The following CD99 variants were observed in gnomAD, a reference collection of about 807,000 sequenced individuals.
CD99 encodes the protein CD99 antigen.
In CD99, 19 loss-of-function variants were observed where a neutral mutation model predicts 28.4. The ratio of observed to expected loss-of-function variants is 0.67; its 90% CI spans 0.47 to 0.98. The LOEUF is 0.98. Among genes scored for constraint, CD99 ranks in the 50% least tolerant of loss-of-function variants. CD99 has a pLI of 0.00. For missense variants in CD99, 283 were observed against 248.8 expected (o/e 1.14, Z -0.92); for synonymous variants, 103 against 92.1 (o/e 1.12, Z -0.67).
chrX:2,716,402 T>C (rs2048721174), intron 2 of CD99, among the ~76,000 whole-genome samples: 1 of 152,086 alleles, frequency 6.6e-6, no homozygotes, highest in Admixed American at 6.5e-5. Context: ...AGTGTTGGGA[T>C]CTTGGCTCAC....
intron 8 of CD99, among the ~76,000 whole-genome samples, chrX:2,731,983 A>AT (rs2049634115): frequency 6.6e-6 from 1 of 151,680 alleles, no homozygotes; most frequent in Non-Finnish European, 1.5e-5. Context: ...AAAAAAAAAA[A>AT]TTAGCTGAGT....
At chrX:2,720,727 TG>T (rs1462642136) in intron 5 of CD99, among the ~76,000 whole-genome samples, 1 of 146,938 alleles carries the variant, frequency 6.8e-6, no homozygotes, top group Non-Finnish European at 1.5e-5. Context: ...TGGGTTCAAG[TG>T]ATTCTCCTGC....
chrX:2,701,498 CAG>C (rs2047861354), intron 1 of CD99, among the ~76,000 whole-genome samples: 1 of 152,226 alleles, frequency 6.6e-6, no homozygotes, highest in Non-Finnish European at 1.5e-5. Flanking sequence ...TTCAGGGGGT[CAG>C]AGAGAGTTCT....
Position 2,722,560 on chromosome X carries a change from A to G in CD99, c.263-67A>G, listed in dbSNP as rs186020398. On this transcript the variant is annotated intron_variant, in intron 5 of 9. Coordinates refer to ENST00000381192, the MANE Select transcript of CD99 (RefSeq NM_002414.5). ...GCCGGTTTTCATGAGTTTTTCCTTT[A>G]TTCTAAGACATGAAGACCCTTGGAG... 2.1e-6 allele frequency: 3 copies of G among 1,423,714 alleles called. No individual in the cohort carries two copies. The African/African-American group carries it at 4.2e-5, about 20-fold the overall frequency. 88.2% of individuals were successfully genotyped at this position (1,423,714 alleles called of 1,614,324 possible). A position where few individuals can be genotyped will look rare whatever the true frequency, so the allele number is the denominator to read the frequency against.
intron 1 of CD99, among the ~76,000 whole-genome samples, chrX:2,702,319 C>CTA (rs2047898386): frequency 6.6e-6 from 1 of 152,050 alleles, no homozygotes; most frequent in African/African-American, 2.4e-5. Context: ...CTGTGACCCC[C>CTA]TACCCCTACC....
intron 1 of CD99, among the ~76,000 whole-genome samples, chrX:2,713,865 C>T (rs2048561600): frequency 6.6e-6 from 1 of 152,152 alleles, no homozygotes; most frequent in Non-Finnish European, 1.5e-5. Flanking sequence ...GATGGCCAGC[C>T]ACGTTGAAGT....
intron 2 of CD99, among the ~76,000 whole-genome samples, chrX:2,715,909 A>G (rs2048684894): frequency 6.6e-6 from 1 of 151,956 alleles, no homozygotes; most frequent in South Asian, 2.1e-4. Flanking sequence ...CCTCATCTTA[A>G]CTGATTACAA....
intron 5 of CD99, among the ~76,000 whole-genome samples, chrX:2,720,774 A>G (rs1008823986): frequency 9.2e-5 from 14 of 151,668 alleles, no homozygotes; most frequent in Non-Finnish European, 1.5e-4. Flanking sequence ...ACAGGCACAC[A>G]CTGCCATGCC....
chrX:2,735,978 A>G (rs1375076747), intron 8 of CD99, among the ~76,000 whole-genome samples: 1 of 151,856 alleles, frequency 6.6e-6, no homozygotes, highest in Non-Finnish European at 1.5e-5. Context: ...CGAGGTGGGC[A>G]GATCACGAAG....
chrX:2,729,933 G>A (rs1156241377), intron 8 of CD99, among the ~76,000 whole-genome samples: 1 of 152,076 alleles, frequency 6.6e-6, no homozygotes, highest in Non-Finnish European at 1.5e-5. Context: ...AAAGAGGATT[G>A]CTTGAGCCCA....
At chrX:2,717,516 A>G in intron 2 of CD99, 89 bp from the exon 3 acceptor site, 1 of 1,069,558 alleles carries the variant, frequency 9.3e-7, no homozygotes, top group South Asian at 1.3e-5. Flanking sequence ...GACTGTTTCC[A>G]AGAAAATGAA....
chrX:2,708,556 C>T (rs1462565495), intron 1 of CD99, among the ~76,000 whole-genome samples: 1 of 152,112 alleles, frequency 6.6e-6, no homozygotes, highest in South Asian at 2.1e-4. Flanking sequence ...CTTCAGGCAT[C>T]CTGGAGTGAC....
At chrX:2,729,872 T>G (rs1744131030) in intron 8 of CD99, among the ~76,000 whole-genome samples, 1 of 152,122 alleles carries the variant, frequency 6.6e-6, no homozygotes, top group Non-Finnish European at 1.5e-5. Flanking sequence ...AGCAAATATG[T>G]CCTGGCGAGG....
chrX:2,696,163 T>C (rs748162254), intron 1 of CD99, among the ~76,000 whole-genome samples: 1 of 152,336 alleles, frequency 6.6e-6, no homozygotes, highest in East Asian at 1.9e-4. Context: ...ACTTTGAGTC[T>C]TCAGGGGCAG....
At position 2,719,382 on chromosome X, in the gene CD99, T is replaced by A; in HGVS notation, c.149-279T>A. ...AACACAATTCATTTATAAATTACTT[T>A]ATTTCTCTCTCTCTCTCCCCACTGC... On this transcript the variant is annotated intron_variant, in intron 3 of 9. Transcript: ENST00000381192. 7.6e-6 allele frequency: 3 copies of A among 397,120 alleles called. No homozygotes were observed. The South Asian group carries it at 1.3e-4, about 18-fold the overall frequency. The allele number at this position is 397,120 out of a possible 1,614,324, so 24.6% of individuals were successfully genotyped here.
chrX:2,697,252 T>C (rs932172213), intron 1 of CD99, among the ~76,000 whole-genome samples: 2 of 152,224 alleles, frequency 1.3e-5, no homozygotes, highest in Non-Finnish European at 1.5e-5. Context: ...TCACTTTGCT[T>C]TCTCAACTTT....
intron 1 of CD99, among the ~76,000 whole-genome samples, chrX:2,692,508 C>T (rs980812336): frequency 6.6e-6 from 1 of 152,186 alleles, no homozygotes; most frequent in Non-Finnish European, 1.5e-5. Context: ...TGGATTTACA[C>T]CCTCTTTAAA....
intron 1 of CD99, among the ~76,000 whole-genome samples, chrX:2,706,945 C>T (rs1249969868): frequency 1.3e-5 from 2 of 151,968 alleles, no homozygotes; most frequent in Non-Finnish European, 2.9e-5. Flanking sequence ...CTCAGCCTCC[C>T]AAGTAACTGG....
Position 2,720,347 on chromosome X carries a change from CACAA to C in CD99, c.194-5_194-2del, listed in dbSNP as rs1374564346. 5.0e-6 allele frequency: 8 copies of C among 1,613,626 alleles called. No individual in the cohort carries two copies. Among genetic ancestry groups the C allele is most frequent in the Non-Finnish European group, 6.8e-6 (8 of 1,179,788 alleles). Reference sequence around the variant, plus strand: ...ACTTAAAATTGCAACTCTCATCTTTCACAAACAGACGACCCACGACCACCGAACC... The same window carrying C: ...ACTTAAAATTGCAACTCTCATCTTTCACAGACGACCCACGACCACCGAACC... On this transcript the variant is annotated splice_region_variant and splice_polypyrimidine_tract_variant and intron_variant, in intron 4 of 9. Coordinates refer to ENST00000381192, the MANE Select transcript of CD99 (RefSeq NM_002414.5).
Sources: gnomAD v4.1 joint callset for allele counts (sites outside exome capture counted in the v4.1 genomes callset) on GRCh38, gnomAD v4.1.1 for gene constraint, MANE v1.5 for transcripts, NCBI Gene and HGNC (gene_info 2026-07-23, HGNC 2026-07-21) for gene names.